Variants in TCF12 observed in about 807,000 individuals in gnomAD.
TCF12 encodes transcription factor 12, also known as DNA-binding protein HTF4.
In TCF12, 45 loss-of-function variants were observed where a neutral mutation model predicts 86.0. The ratio of observed to expected loss-of-function variants is 0.52; its 90% CI spans 0.41 to 0.67. The LOEUF is 0.67. Ranked by LOEUF, TCF12 falls within the 30% of genes least tolerant of loss-of-function variation. The pLI is 0.00. For missense variants in TCF12, 881 were observed against 859.9 expected (o/e 1.02, Z -0.31); for synonymous variants, 330 against 299.6 (o/e 1.10, Z -1.05).
intron 3 of TCF12, among the ~76,000 whole-genome samples, chr15:56,933,276 T>A (rs2060325208): frequency 1.3e-5 from 2 of 152,238 alleles, no homozygotes; most frequent in South Asian, 4.1e-4. Flanking sequence ...GAACTTTTAA[T>A]TCATTAAATG....
chr15:57,243,130 CTTAG>C (rs1455730096), intron 12 of TCF12, among the ~76,000 whole-genome samples: 1 of 152,138 alleles, frequency 6.6e-6, no homozygotes, highest in South Asian at 2.1e-4. Flanking sequence ...AAAGATACCA[CTTAG>C]TTAGATAACA....
chr15:57,045,342 T>C (rs1054742758), intron 3 of TCF12, among the ~76,000 whole-genome samples: 3 of 152,170 alleles, frequency 2.0e-5, no homozygotes, highest in Non-Finnish European at 4.4e-5. Flanking sequence ...GTTTCTTTTT[T>C]ATTGTCTAGG....
rs2061940103 is a variant in TCF12, at chr15:57,286,560, A to G, written c.*415A>G. 1 of 437,130 alleles carries G rather than the reference A, an allele frequency of 2.3e-6. No individual in the cohort carries two copies. The highest frequency in any genetic ancestry group is 4.5e-6 in the Non-Finnish European group (1 of 220,880). The allele number at this position is 437,130 out of a possible 1,614,324, so 27.1% of individuals were successfully genotyped here. On this transcript the variant is annotated 3_prime_UTR_variant, in exon 21 of 21. Transcript: ENST00000333725. ...GTCTACATATAAAGGGAAAAAGTTA[A>G]TGTGGAAAGCTGATCTACACTCAGC... is the stretch of plus-strand genomic sequence containing the variant.
intron 11 of TCF12, 100 bp from the exon 12 acceptor site, chr15:57,233,943 G>A (rs1415739515): frequency 1.1e-6 from 1 of 892,654 alleles, no homozygotes; most frequent in African/African-American, 1.7e-5. Flanking sequence ...TGTAACAGAT[G>A]TGAGATGATG....
chr15:57,233,790 C>T (rs1210533140), intron 11 of TCF12, among the ~76,000 whole-genome samples: 4 of 152,164 alleles, frequency 2.6e-5, no homozygotes, highest in East Asian at 1.9e-4. Flanking sequence ...GCCCCTCTTT[C>T]GATATATTTT....
At chr15:57,006,559 G>A (rs1167071095) in intron 3 of TCF12, among the ~76,000 whole-genome samples, 1 of 152,102 alleles carries the variant, frequency 6.6e-6, no homozygotes, top group African/African-American at 2.4e-5. Context: ...TTGGGAGGTC[G>A]AGGCAGGTAG....
At chr15:56,972,328 T>A (rs1310418145) in intron 3 of TCF12, among the ~76,000 whole-genome samples, 1 of 152,218 alleles carries the variant, frequency 6.6e-6, no homozygotes, top group African/African-American at 2.4e-5. Flanking sequence ...AGCAATAAAA[T>A]AATATGTATT....
At chr15:57,089,555 A>C (rs948874515) in intron 4 of TCF12, among the ~76,000 whole-genome samples, 8 of 150,996 alleles carry the variant, frequency 5.3e-5, no homozygotes, top group African/African-American at 2.0e-4. Context: ...AAACTTAGAT[A>C]TATTTGTATA....
chr15:57,142,351 A>G (rs1326099429), intron 5 of TCF12, among the ~76,000 whole-genome samples: 1 of 148,010 alleles, frequency 6.8e-6, no homozygotes, highest in Non-Finnish European at 1.5e-5. Flanking sequence ...AGAAATATAA[A>G]TATAACTGTG....
chr15:57,174,507 A>G (rs1278340162), intron 6 of TCF12, among the ~76,000 whole-genome samples: 2 of 152,250 alleles, frequency 1.3e-5, no homozygotes, highest in African/African-American at 4.8e-5. Context: ...GCACCAAGGT[A>G]ATAATTTTTG....
intron 14 of TCF12, 139 bp downstream of exon 14, chr15:57,251,562 C>A: frequency 2.5e-6 from 2 of 786,066 alleles, no homozygotes; most frequent in South Asian, 1.8e-5. Flanking sequence ...TTCATTTGAA[C>A]AATATAAGAC....
At chr15:57,021,936 A>G (rs12438464) in intron 3 of TCF12, among the ~76,000 whole-genome samples, 6,156 of 152,044 alleles carry the variant, frequency 0.04, 374 homozygotes, top group Admixed American at 0.17. Flanking sequence ...TACTGTATTT[A>G]TTTTGTGGGT....
At chr15:57,198,039 C>A (rs1427526715) in intron 8 of TCF12, among the ~76,000 whole-genome samples, 5 of 152,134 alleles carry the variant, frequency 3.3e-5, no homozygotes, top group African/African-American at 1.2e-4. Flanking sequence ...CTCATATGCT[C>A]TTACTCCTTG....
intron 3 of TCF12, among the ~76,000 whole-genome samples, chr15:57,060,102 C>T (rs1170734560): frequency 6.6e-6 from 1 of 152,184 alleles, no homozygotes. Flanking sequence ...ACCTTAAAAA[C>T]TTGAATTTTA....
chr15:56,918,437 G>C, upstream of TCF12: 1 of 352,610 alleles, frequency 2.8e-6, no homozygotes, highest in South Asian at 2.0e-5. Flanking sequence ...AGGTGCCTGC[G>C]AGCGCCTCAT....
At chr15:56,956,358 T>G (rs1364608619) in intron 3 of TCF12, among the ~76,000 whole-genome samples, 2 of 152,024 alleles carry the variant, frequency 1.3e-5, no homozygotes, top group African/African-American at 4.8e-5. Flanking sequence ...CTTTATTGCC[T>G]TATTAGATAT....
chr15:56,944,248 C>G (rs774385410), intron 3 of TCF12, among the ~76,000 whole-genome samples: 6 of 152,140 alleles, frequency 3.9e-5, no homozygotes, highest in Non-Finnish European at 7.4e-5. Context: ...TATCTTGTCT[C>G]TTGCAGAAGC....
At chr15:57,290,160 T>C (rs1307948437), downstream of TCF12, among the ~76,000 whole-genome samples, 1 of 151,878 alleles carries the variant, frequency 6.6e-6, no homozygotes, top group Non-Finnish European at 1.5e-5. Context: ...CTGGCCAACA[T>C]GGTAAAACCC....
At chr15:57,237,478 G>T (rs553164628) in intron 12 of TCF12, among the ~76,000 whole-genome samples, 2 of 152,102 alleles carry the variant, frequency 1.3e-5, no homozygotes, top group Non-Finnish European at 2.9e-5. Flanking sequence ...ATAGGAGGAG[G>T]AGTCTCATTT....
Sources: allele counts gnomAD v4.1 joint callset (sites outside exome capture counted in the v4.1 genomes callset), GRCh38; gene constraint gnomAD v4.1.1; transcripts MANE v1.5; gene names NCBI Gene and HGNC (gene_info 2026-07-23, HGNC 2026-07-21).